The following DNAH7 variants were observed in gnomAD, a reference collection of about 807,000 sequenced individuals.
The protein encoded by DNAH7 is axonemal beta dynein heavy chain 7.
In DNAH7, 397 loss-of-function variants were observed where a neutral mutation model predicts 444.6. The observed-to-expected ratio is 0.89, with a 90% CI of 0.82 to 0.97. The LOEUF is 0.97. DNAH7 is among the 50% of genes least tolerant of loss of function. DNAH7 has a pLI of 0.00. For missense variants in DNAH7, 4,902 were observed against 4,800.8 expected (o/e 1.02, Z -0.62); for synonymous variants, 1,636 against 1,624.4 (o/e 1.01, Z -0.17).
chr2:195,837,803 G>C (rs570013881), intron 47 of DNAH7, among the ~76,000 whole-genome samples: 31 of 152,206 alleles, frequency 2.0e-4, no homozygotes, highest in Non-Finnish European at 4.0e-4. Flanking sequence ...TAAAAAAAGA[G>C]GCCCCTGTTG....
intron 24 of DNAH7, among the ~76,000 whole-genome samples, chr2:195,913,447 A>C (rs1687478343): frequency 6.6e-6 from 1 of 152,234 alleles, no homozygotes. Flanking sequence ...AAGAAAACTC[A>C]ATCACTTAAT....
intron 58 of DNAH7, 125 bp from the exon 59 acceptor site, chr2:195,778,110 G>A (rs956682124): frequency 4.7e-6 from 4 of 844,832 alleles, no homozygotes; most frequent in South Asian, 3.4e-5. Context: ...ACTTCCCTTC[G>A]TATGCTTCCC....
chr2:195,767,087 A>G (rs1447152531), intron 61 of DNAH7, among the ~76,000 whole-genome samples: 2 of 152,060 alleles, frequency 1.3e-5, no homozygotes, highest in African/African-American at 4.8e-5. Context: ...TTTCTAACAT[A>G]TATTTGAAGC....
At chr2:195,995,451 A>G (rs976714548) in intron 12 of DNAH7, 6 of 391,732 alleles carry the variant, frequency 1.5e-5, no homozygotes, top group Non-Finnish European at 3.0e-5. Flanking sequence ...TGGACTTCAT[A>G]GAGCAGCTCT....
At chr2:195,942,140 A>C (rs1189754107) in intron 19 of DNAH7, among the ~76,000 whole-genome samples, 3 of 152,132 alleles carry the variant, frequency 2.0e-5, no homozygotes, top group Non-Finnish European at 4.4e-5. Flanking sequence ...AAACAGAAAG[A>C]AGTGATAAGA....
chr2:196,059,358 G>T (rs1194429498), intron 1 of DNAH7, among the ~76,000 whole-genome samples: 1 of 152,184 alleles, frequency 6.6e-6, no homozygotes, highest in African/African-American at 2.4e-5. Flanking sequence ...TGTTGAAAAT[G>T]ACAATTTGAT....
chr2:195,798,912 C>T (rs915234342), intron 55 of DNAH7, among the ~76,000 whole-genome samples: 6 of 151,998 alleles, frequency 3.9e-5, no homozygotes, highest in Non-Finnish European at 7.4e-5. Flanking sequence ...ATGAAGGCCC[C>T]CCGTTAGAGA....
rs182086316 is a variant in DNAH7, at chr2:196,024,436, G to A, written c.736C>T (p.Arg246Cys). The A allele has an allele frequency of 2.2e-3, 3,507 of 1,580,490 alleles. 6 individuals are homozygous for A. Among genetic ancestry groups the A allele is most frequent in the Non-Finnish European group, 2.5e-3 (2,922 of 1,165,550 alleles). Residue 246 changes from arginine (R) to cysteine (C), a missense_variant, in exon 8 of 65, where the codon CGT becomes TGT. Transcript: ENST00000312428. ...AGAAATCTGATCACTTACTCAGCAC[G>A]ATGGGCTGGAAGTTCATCTGTCTTC... ...DKKTDELPAH[R>C]AEMEILPKPW...
chr2:196,008,712 C>A (rs1694536572), intron 10 of DNAH7, among the ~76,000 whole-genome samples: 1 of 151,996 alleles, frequency 6.6e-6, no homozygotes, highest in African/African-American at 2.4e-5. Context: ...GACGAAATGT[C>A]CAGAGTAGGG....
intron 1 of DNAH7, chr2:196,063,630 C>A (rs1291843258): frequency 7.2e-5 from 11 of 152,280 alleles, no homozygotes. Flanking sequence ...CCTCTTTTTC[C>A]TCAGTGGGCC....
intron 10 of DNAH7, among the ~76,000 whole-genome samples, chr2:196,005,458 A>G (rs1266186170): frequency 6.6e-6 from 1 of 152,036 alleles, no homozygotes; most frequent in East Asian, 1.9e-4. Context: ...AAACTCATGA[A>G]CTTATAGTTA....
intron 17 of DNAH7, among the ~76,000 whole-genome samples, chr2:195,965,089 ATAC>A (rs1391943233): frequency 1.3e-5 from 2 of 152,082 alleles, no homozygotes; most frequent in Non-Finnish European, 2.9e-5. Flanking sequence ...ATTCAGTATG[ATAC>A]TACCTGTGGG....
At chr2:195,942,629 T>A (rs1395117091) in intron 19 of DNAH7, among the ~76,000 whole-genome samples, 3 of 152,128 alleles carry the variant, frequency 2.0e-5, no homozygotes, top group Non-Finnish European at 4.4e-5. Flanking sequence ...ATAGAAGTAT[T>A]TCTTCCCTGG....
At chr2:195,878,027 G>A (rs1199669700) in intron 36 of DNAH7, among the ~76,000 whole-genome samples, 1 of 152,162 alleles carries the variant, frequency 6.6e-6, no homozygotes, top group Non-Finnish European at 1.5e-5. Flanking sequence ...ATTATTTCAA[G>A]AGGAATAATA....
At chr2:195,740,650 T>TATATATACACAC (rs1453163601) in intron 64 of DNAH7, 116 bp downstream of exon 64, 2 of 72,220 alleles carry the variant, frequency 2.8e-5, no homozygotes, top group African/African-American at 6.6e-5. Flanking sequence ...TATATACATA[T>TATATATACACAC]ACACACACAC....
At chr2:196,043,999 T>C (rs897409268) in intron 5 of DNAH7, among the ~76,000 whole-genome samples, 1 of 152,022 alleles carries the variant, frequency 6.6e-6, no homozygotes, top group Non-Finnish European at 1.5e-5. Context: ...AGTATGGAGA[T>C]TCCTTAAAGA....
At chr2:195,738,628 T>G (rs536297682) in intron 64 of DNAH7, among the ~76,000 whole-genome samples, 1 of 152,322 alleles carries the variant, frequency 6.6e-6, no homozygotes, top group Admixed American at 6.5e-5. Flanking sequence ...TGCATTCCTT[T>G]ATAACCACAA....
intron 57 of DNAH7, among the ~76,000 whole-genome samples, chr2:195,793,387 A>C (rs1302148469): frequency 6.6e-6 from 1 of 152,202 alleles, no homozygotes; most frequent in African/African-American, 2.4e-5. Context: ...TGGACCTGAA[A>C]TGTAGGTGAC....
rs747027564 is a variant in DNAH7, at chr2:195,895,073, A to G, written c.4799T>C (p.Ile1600Thr). ...EKILQVYEMM[I>T]VRHGFMIVGE... ...AACAATCATAAAACCATGACGCACA[A>G]TCATCATTTCATATACTTGAAGAAT... is the stretch of plus-strand genomic sequence containing the variant. The change falls in exon 30 of 65, where the codon ATT (isoleucine) becomes ACT (threonine). Residue 1600 changes from isoleucine (I) to threonine (T), a missense_variant. By Grantham distance (89) the Ile-to-Thr change is moderately conservative. Transcript: ENST00000312428. 6.8e-6 allele frequency: 11 copies of G among 1,613,432 alleles called. No homozygotes were observed. The South Asian group carries it at 1.2e-4, about 18-fold the overall frequency.
Sources: allele counts gnomAD v4.1 joint callset (sites outside exome capture counted in the v4.1 genomes callset), GRCh38; gene constraint gnomAD v4.1.1; transcripts MANE v1.5; gene names NCBI Gene and HGNC (gene_info 2026-07-23, HGNC 2026-07-21).